CRTC1: variants seen among roughly 807,000 people sequenced by gnomAD.
CRTC1 encodes the protein CREB regulated transcription coactivator 1, also known as CREB-regulated transcription coactivator 1.
In CRTC1, 18 loss-of-function variants were observed where a neutral mutation model predicts 66.1. That is an observed-to-expected ratio of 0.27 (90% CI 0.19 to 0.40). CRTC1 has a LOEUF of 0.40. Among genes scored for constraint, CRTC1 ranks in the 10% least tolerant of loss-of-function variants. The pLI, the probability that CRTC1 is intolerant of heterozygous loss-of-function variation, is 1.00. For synonymous variants in CRTC1, 416 were observed against 398.8 expected (o/e 1.04, Z -0.51); for missense variants, 669 against 887.9 (o/e 0.75, Z 3.13).
rs138515339 is a variant in CRTC1 at position 18,719,237 on chromosome 19, G to T, written c.127-23673G>T. Among the ~76,000 whole-genome samples, 820 of 152,330 alleles carry T rather than the reference G, an allele frequency of 5.4e-3. 9 individuals carry two copies. Among genetic ancestry groups the T allele is most frequent in the Non-Finnish European group, 5.5e-3 (374 of 68,024 alleles). On this transcript the variant is annotated intron_variant, in intron 1 of 13. Transcript: ENST00000321949. Reference sequence around the variant, plus strand: ...TGGGCTTGGTCCTTCCCTGCATCGTGTGTGTCTGCTGGGCACTCCAAATGT... The same window carrying T: ...TGGGCTTGGTCCTTCCCTGCATCGTTTGTGTCTGCTGGGCACTCCAAATGT...
chr19:18,720,593 C>G (rs1485406254), intron 1 of CRTC1, among the ~76,000 whole-genome samples: 1 of 148,214 alleles, frequency 6.7e-6, no homozygotes, highest in Non-Finnish European at 1.5e-5. Context: ...GTCTTGATCT[C>G]CTGACCTTGT....
At chr19:18,706,632 T>C in intron 1 of CRTC1, among the ~76,000 whole-genome samples, 1 of 152,212 alleles carries the variant, frequency 6.6e-6, no homozygotes, top group East Asian at 1.9e-4. Context: ...CAATATTGTC[T>C]TGGCTATTTG....
intron 9 of CRTC1, among the ~76,000 whole-genome samples, chr19:18,766,144 C>G (rs543736740): frequency 6.9e-6 from 1 of 144,226 alleles, no homozygotes; most frequent in African/African-American, 2.6e-5. Flanking sequence ...TTTTTTAAGA[C>G]GAAGTTTTGC....
rs527408738 is a variant in CRTC1 at position 18,741,605 on chromosome 19, G to A, written c.127-1305G>A. Among the ~76,000 whole-genome samples the A allele has an allele frequency of 1.3e-5, 2 of 152,256 alleles. No individual in the cohort carries two copies. The highest frequency in any genetic ancestry group is 2.4e-5 in the African/African-American group (1 of 41,558). On this transcript the variant is annotated intron_variant, in intron 1 of 13. Coordinates refer to ENST00000321949, the MANE Select transcript of CRTC1 (RefSeq NM_015321.3). The surrounding 1 kb of genome is among the most constrained non-coding windows in gnomAD (Gnocchi z 4.2). ...ACACCCCCTCCCTCTGCCACAGCCC[G>A]GAGCTGGCCTGTTTCATCTGGTGTG... is the stretch of plus-strand genomic sequence containing the variant.
chr19:18,721,394 A>G (rs952685315), intron 1 of CRTC1, among the ~76,000 whole-genome samples: 1 of 150,500 alleles, frequency 6.6e-6, no homozygotes, highest in African/African-American at 2.5e-5. Context: ...GGGGTTTCAC[A>G]GTGTTAGCCA....
rs540888510 is a variant in CRTC1, at chr19:18,717,874, G to C, written c.127-25036G>C. On this transcript the variant is annotated intron_variant, in intron 1 of 13. Transcript: ENST00000321949. ...ACAGTACAAGCAGAGGGCCCCTGGGGAGAAGGCCTTTGACAGCAGGAAGAG... is the reference window on the plus strand; with the variant it reads ...ACAGTACAAGCAGAGGGCCCCTGGGCAGAAGGCCTTTGACAGCAGGAAGAG... Among the ~76,000 whole-genome samples, 207 of 152,196 alleles carry C rather than the reference G, an allele frequency of 1.4e-3. 1 individual carries two copies. Among genetic ancestry groups the C allele is most frequent in the African/African-American group, 4.8e-3 (201 of 41,514 alleles).
At chr19:18,720,272 T>C (rs2053594927) in intron 1 of CRTC1, among the ~76,000 whole-genome samples, 1 of 152,204 alleles carries the variant, frequency 6.6e-6, no homozygotes, top group African/African-American at 2.4e-5. Context: ...CAAGCAATTC[T>C]CCTGCCTCAG....
chr19:18,713,462 CG>C (rs2053436385), intron 1 of CRTC1, among the ~76,000 whole-genome samples: 1 of 148,182 alleles, frequency 6.7e-6, no homozygotes, highest in East Asian at 2.0e-4. Flanking sequence ...GAGTAGTGGC[CG>C]GGCTGTCTTC....
At position 18,741,461 on chromosome 19, in the gene CRTC1, T is replaced by C. The variant is rs1238734728; in HGVS notation, c.127-1449T>C. Among the ~76,000 whole-genome samples, 4 of 152,190 alleles carry C rather than the reference T, an allele frequency of 2.6e-5. No individual in the cohort carries two copies. On this transcript the variant is annotated intron_variant, in intron 1 of 13. Coordinates refer to ENST00000321949, the MANE Select transcript of CRTC1 (RefSeq NM_015321.3). The surrounding 1 kb of genome is among the most constrained non-coding windows in gnomAD (Gnocchi z 4.2). ...GGCCATATAGTCAGTGAGAGGTGAA[T>C]GTAGCACAGGTTTCTGTCATGCTAC...
chr19:18,743,090 G>A, intron 2 of CRTC1, 64 bp downstream of exon 2: 3 of 1,274,150 alleles, frequency 2.4e-6, no homozygotes, highest in Non-Finnish European at 3.4e-6. Context: ...CCCACTGGGG[G>A]CCAGACATTG....
At chr19:18,759,826 C>T (rs899495191) in intron 7 of CRTC1, among the ~76,000 whole-genome samples, 182 bp from the exon 8 acceptor site, 6 of 151,968 alleles carry the variant, frequency 3.9e-5, no homozygotes, top group South Asian at 2.1e-4. Flanking sequence ...CCGTCCTCAC[C>T]GGGTGATAGG....
chr19:18,685,454 C>T (rs935542220), intron 1 of CRTC1, among the ~76,000 whole-genome samples: 12 of 152,160 alleles, frequency 7.9e-5, no homozygotes, highest in Non-Finnish European at 1.8e-4. Flanking sequence ...GTTAGGAGTT[C>T]GAGACCAGCC....
chr19:18,777,455 TCCCTCGC>T lies in CRTC1; in HGVS notation c.*75_*81del. 1 of 1,374,506 alleles carries T rather than the reference TCCCTCGC, an allele frequency of 7.3e-7. No individual in the cohort carries two copies. The allele number at this position is 1,374,506 out of a possible 1,614,324, so 85.1% of individuals were successfully genotyped here. A position where few individuals can be genotyped will look rare whatever the true frequency, so the allele number is the denominator to read the frequency against. ...CCAGCCCGGGGACGGCCGTGCTCCGTCCCTCGCCAACGGCCGAGCTTGTGATTCTGAG... is the reference window on the plus strand; with the variant it reads ...CCAGCCCGGGGACGGCCGTGCTCCGTCAACGGCCGAGCTTGTGATTCTGAG... On this transcript the variant is annotated 3_prime_UTR_variant, in exon 14 of 14. Transcript: ENST00000321949. The surrounding 1 kb of genome is among the most constrained non-coding windows in gnomAD (Gnocchi z 5.5).
At chr19:18,700,433 C>T (rs1197729987) in intron 1 of CRTC1, among the ~76,000 whole-genome samples, 2 of 152,182 alleles carry the variant, frequency 1.3e-5, no homozygotes, top group East Asian at 1.9e-4. Flanking sequence ...AGAACTTCTG[C>T]AGGCCGCCCT....
intron 5 of CRTC1, among the ~76,000 whole-genome samples, chr19:18,751,647 C>G (rs981841981): frequency 6.6e-6 from 1 of 152,226 alleles, no homozygotes; most frequent in South Asian, 2.1e-4. Context: ...TCCCGTCGCT[C>G]AGACTCTCCC....
intron 1 of CRTC1, among the ~76,000 whole-genome samples, chr19:18,716,001 G>T (rs895552122): frequency 6.6e-6 from 1 of 152,206 alleles, no homozygotes; most frequent in Non-Finnish European, 1.5e-5. Context: ...GTTGGCGGGG[G>T]GGGTGTCGCC....
intron 1 of CRTC1, among the ~76,000 whole-genome samples, chr19:18,711,884 G>A (rs1221411240): frequency 6.6e-6 from 1 of 152,204 alleles, no homozygotes; most frequent in East Asian, 1.9e-4. Context: ...AGAACCTTGG[G>A]TATACTTTTT....
At chr19:18,753,129 A>C (rs1329093925) in intron 5 of CRTC1, among the ~76,000 whole-genome samples, 2 of 151,816 alleles carry the variant, frequency 1.3e-5, no homozygotes, top group African/African-American at 4.8e-5. Context: ...AAAAAAAATT[A>C]GCCTGGCATC....
At chr19:18,698,660 T>G (rs1600772098) in intron 1 of CRTC1, among the ~76,000 whole-genome samples, 1 of 144,742 alleles carries the variant, frequency 6.9e-6, no homozygotes, top group Non-Finnish European at 1.5e-5. Context: ...TGTGTACTCA[T>G]CAGGTTCTCA....
Sources: gnomAD v4.1 joint callset for allele counts (sites outside exome capture counted in the v4.1 genomes callset) on GRCh38, gnomAD v4.1.1 for gene constraint, Gnocchi (gnomAD v3.1) non-coding constraint, MANE v1.5 for transcripts, NCBI Gene and HGNC (gene_info 2026-07-23, HGNC 2026-07-21) for gene names.